The following ATF7IP variants were observed in gnomAD, a reference collection of about 807,000 sequenced individuals.
ATF7IP encodes activating transcription factor 7-interacting protein 1.
ATF7IP carries 23 observed loss-of-function variants against 106.4 expected under a neutral mutation model. The ratio of observed to expected loss-of-function variants is 0.22; its 90% CI spans 0.16 to 0.31. ATF7IP has a LOEUF of 0.31. ATF7IP is among the 10% of genes least tolerant of loss of function. ATF7IP has a pLI of 1.00. For synonymous variants in ATF7IP, 542 were observed against 539.0 expected, an observed-to-expected ratio of 1.01 and a Z score of -0.08; for missense variants, 1,334 against 1,524.3, an observed-to-expected ratio of 0.88 and a Z score of 2.08.
chr12:14,457,371 T>A (rs760977442), intron 8 of ATF7IP, 76 bp downstream of exon 8: 44 of 1,132,438 alleles, frequency 3.9e-5, no homozygotes, highest in Non-Finnish European at 5.1e-5. Context: ...TACATTCTTT[T>A]GAGGTTGAAA....
At chr12:14,392,646 T>C (rs74997460) in intron 1 of ATF7IP, among the ~76,000 whole-genome samples, 2,568 of 152,250 alleles carry the variant, frequency 0.017, 71 homozygotes, top group African/African-American at 0.059. Context: ...TGAGAGAAGG[T>C]TGCAAATACT....
At chr12:14,400,248 C>G (rs1040733623) in intron 1 of ATF7IP, among the ~76,000 whole-genome samples, 3 of 152,182 alleles carry the variant, frequency 2.0e-5, no homozygotes, top group African/African-American at 7.2e-5. Flanking sequence ...ATATCACTTG[C>G]ATGCCTGTAT....
chr12:14,465,923 T>A (rs1283754459), intron 9 of ATF7IP, among the ~76,000 whole-genome samples: 2 of 152,166 alleles, frequency 1.3e-5, no homozygotes, highest in Non-Finnish European at 2.9e-5. Context: ...AAAAAACCTT[T>A]GATAAAATTT....
chr12:14,481,685 T>A (rs1944434113), intron 13 of ATF7IP: 2 of 426,436 alleles, frequency 4.7e-6, no homozygotes, highest in Non-Finnish European at 9.3e-6. Context: ...TAACTTTATT[T>A]ATGGCCTGTA....
intron 6 of ATF7IP, among the ~76,000 whole-genome samples, chr12:14,454,288 T>C (rs1353117581): frequency 6.6e-6 from 1 of 152,166 alleles, no homozygotes; most frequent in Non-Finnish European, 1.5e-5. Flanking sequence ...CAGCCTCTGG[T>C]ACTTTGGCAA....
chr12:14,473,828 G>A (rs751539418), intron 10 of ATF7IP, among the ~76,000 whole-genome samples: 10 of 150,294 alleles, frequency 6.7e-5, no homozygotes, highest in African/African-American at 1.7e-4. Context: ...TTAAATTATC[G>A]GCACTTTGAA....
chr12:14,455,035 CG>C (rs1241329344), intron 6 of ATF7IP, among the ~76,000 whole-genome samples: 1 of 151,884 alleles, frequency 6.6e-6, no homozygotes, highest in Non-Finnish European at 1.5e-5. Context: ...AAAAATTAGC[CG>C]GGCCTGGTGG....
chr12:14,396,600 C>T (rs1939857257), intron 1 of ATF7IP, among the ~76,000 whole-genome samples: 1 of 152,008 alleles, frequency 6.6e-6, no homozygotes, highest in African/African-American at 2.4e-5. Flanking sequence ...GGTCATGCTT[C>T]TTGGTGTGGA....
intron 11 of ATF7IP, among the ~76,000 whole-genome samples, chr12:14,477,516 G>A (rs1944300030): frequency 6.6e-6 from 1 of 152,184 alleles, no homozygotes; most frequent in Non-Finnish European, 1.5e-5. Flanking sequence ...GGATTAAAAA[G>A]TAAAGTCCTA....
intron 2 of ATF7IP, among the ~76,000 whole-genome samples, chr12:14,429,619 G>C (rs1942026791): frequency 2.0e-5 from 3 of 152,146 alleles, no homozygotes; most frequent in African/African-American, 7.2e-5. Flanking sequence ...AATTACATTA[G>C]ACTAGAATTT....
chr12:14,430,940 G>A (rs940573982), intron 2 of ATF7IP, among the ~76,000 whole-genome samples: 4 of 152,174 alleles, frequency 2.6e-5, no homozygotes, highest in African/African-American at 9.7e-5. Context: ...CCACAAGATT[G>A]AAAATATCTA....
chr12:14,471,948 A>ACTCTCC (rs1388125391), intron 10 of ATF7IP, among the ~76,000 whole-genome samples: 3 of 152,236 alleles, frequency 2.0e-5, no homozygotes, highest in Admixed American at 2.0e-4. Flanking sequence ...ATCATTGGAA[A>ACTCTCC]AAGGCAATGA....
At chr12:14,391,873 C>T (rs1939573940) in intron 1 of ATF7IP, among the ~76,000 whole-genome samples, 1 of 152,186 alleles carries the variant, frequency 6.6e-6, no homozygotes, top group African/African-American at 2.4e-5. Flanking sequence ...AGGCGTGCGC[C>T]ACCATGCCTG....
In ATF7IP at chr12:14,498,124, T is replaced by A; in HGVS notation, c.*51T>A. On this transcript the variant is annotated 3_prime_UTR_variant, in exon 15 of 15. Transcript: ENST00000261168. ...TTTTAAAATTTCCACCTTTTGGTCT[T>A]GTTTTTAATCTTGTGCATGATACCC... 1 of 1,500,778 alleles carries A rather than the reference T, an allele frequency of 6.7e-7. No individual in the cohort carries two copies. The highest frequency in any genetic ancestry group is 8.9e-7 in the Non-Finnish European group (1 of 1,119,980). 93.0% of individuals were successfully genotyped at this position (1,500,778 alleles called of 1,614,324 possible). A position where few individuals can be genotyped will look rare whatever the true frequency, so the allele number is the denominator to read the frequency against.
chr12:14,454,411 TGC>T (rs1943344936), intron 6 of ATF7IP, among the ~76,000 whole-genome samples: 2 of 152,206 alleles, frequency 1.3e-5, no homozygotes, highest in Admixed American at 1.3e-4. Context: ...GCATCCGAAG[TGC>T]CATAGTCACA....
At chr12:14,366,833 TAAAAA>T (rs150770023) in intron 1 of ATF7IP, among the ~76,000 whole-genome samples, 7,532 of 152,112 alleles carry the variant, frequency 0.05, 627 homozygotes, top group African/African-American at 0.17. Context: ...GGACCATTAA[TAAAAA>T]AAATCTGTTT....
chr12:14,394,506 G>A (rs949723778), intron 1 of ATF7IP, among the ~76,000 whole-genome samples: 6 of 152,198 alleles, frequency 3.9e-5, no homozygotes, highest in Non-Finnish European at 8.8e-5. Context: ...GTTGGGGAAC[G>A]AATGGGGAGG....
intron 10 of ATF7IP, among the ~76,000 whole-genome samples, chr12:14,467,934 GT>G (rs1943892157): frequency 6.6e-6 from 1 of 152,142 alleles, no homozygotes; most frequent in African/African-American, 2.4e-5. Flanking sequence ...ATTGCAAAAA[GT>G]TGTATTAAAC....
At chr12:14,378,532 A>G (rs1348474475) in intron 1 of ATF7IP, among the ~76,000 whole-genome samples, 1 of 152,236 alleles carries the variant, frequency 6.6e-6, no homozygotes, top group African/African-American at 2.4e-5. Flanking sequence ...TACTATTTCT[A>G]TAAAGTATAC....
Sources: allele counts gnomAD v4.1 joint callset (sites outside exome capture counted in the v4.1 genomes callset), GRCh38; gene constraint gnomAD v4.1.1; transcripts MANE v1.5; gene names NCBI Gene and HGNC (gene_info 2026-07-23, HGNC 2026-07-21).